Variants in PDE10A observed in about 807,000 individuals in gnomAD.
PDE10A encodes the protein phosphodiesterase 10A.
A neutral mutation model predicts 97.7 loss-of-function variants in PDE10A; 39 were observed. The ratio of observed to expected loss-of-function variants is 0.40; its 90% CI spans 0.31 to 0.52. The LOEUF is 0.52. Among genes scored for constraint, PDE10A ranks in the 20% least tolerant of loss-of-function variants. PDE10A has a pLI of 0.56. For synonymous variants in PDE10A, 371 were observed against 376.8 expected, an observed-to-expected ratio of 0.98 and a Z score of 0.18; for missense variants, 731 against 1,047.8, an observed-to-expected ratio of 0.70 and a Z score of 4.17.
rs367970989 is a variant in PDE10A at position 165,455,201 on chromosome 6, CACTA to C, written c.1024-4843_1024-4840del. On this transcript the variant is annotated intron_variant, in intron 3 of 21. Coordinates refer to ENST00000539869, the MANE Select transcript of PDE10A (RefSeq NM_001385079.1). ...CTCTGTTGCCCAGGCTGGAATGCAGCACTAACTATTAAGAGACCCAAACTCCACT... is the reference window on the plus strand; with the variant it reads ...CTCTGTTGCCCAGGCTGGAATGCAGCACTATTAAGAGACCCAAACTCCACT... 5.3e-4 allele frequency among the ~76,000 whole-genome samples: 81 copies of C among 152,188 alleles called. 1 individual carries two copies. In the South Asian group the frequency reaches 0.016, roughly 31 times the overall value.
chr6:165,809,868 G>A (rs1438125114), intron 1 of PDE10A, among the ~76,000 whole-genome samples: 1 of 152,178 alleles, frequency 6.6e-6, no homozygotes, highest in East Asian at 1.9e-4. Context: ...TCCCATGTTA[G>A]CTGAAAGCCC....
chr6:165,370,627 A>C (rs1405016787), intron 18 of PDE10A, among the ~76,000 whole-genome samples: 4 of 148,438 alleles, frequency 2.7e-5, no homozygotes, highest in African/African-American at 7.5e-5. Context: ...CACAATAATA[A>C]TGGGAGACTT....
rs1204606458 is a variant in PDE10A at position 165,647,828 on chromosome 6, G to A, written c.865+14119C>T. Among the ~76,000 whole-genome samples the A allele has an allele frequency of 3.9e-5, 6 of 152,272 alleles. No individual in the cohort carries two copies. The East Asian group carries it at 1.2e-3, about 29-fold the overall frequency. On this transcript the variant is annotated intron_variant, in intron 1 of 21. Coordinates refer to ENST00000539869, the MANE Select transcript of PDE10A (RefSeq NM_001385079.1). ...AAGGAAACAATGGCTACGTGTCTCA[G>A]CACTTGCTCTCCTGAAGGCACTATT...
At chr6:165,922,067 AG>A (rs1007087313) in intron 1 of PDE10A, among the ~76,000 whole-genome samples, 5 of 152,222 alleles carry the variant, frequency 3.3e-5, no homozygotes, top group Non-Finnish European at 5.9e-5. Context: ...TGAAGATTAT[AG>A]GGCCAGTAGG....
At chr6:165,964,699 G>T (rs2128499185) in intron 1 of PDE10A, among the ~76,000 whole-genome samples, 1 of 152,310 alleles carries the variant, frequency 6.6e-6, no homozygotes, top group African/African-American at 2.4e-5. Context: ...GAAGGAGATG[G>T]CCATGTAAAT....
chr6:165,482,516 G>A (rs949258551), intron 2 of PDE10A, among the ~76,000 whole-genome samples, 173 bp from the exon 3 acceptor site: 6 of 152,062 alleles, frequency 3.9e-5, no homozygotes, highest in African/African-American at 7.2e-5. Flanking sequence ...AACATATTAC[G>A]AGTTAAGAAG....
At chr6:165,431,274 T>C (rs1022219099) in intron 8 of PDE10A, 148 bp downstream of exon 8, 2 of 475,398 alleles carry the variant, frequency 4.2e-6, no homozygotes, top group Admixed American at 3.1e-5. Flanking sequence ...TATAACTGAT[T>C]AAGTTAAAAT....
intron 1 of PDE10A, among the ~76,000 whole-genome samples, chr6:165,962,213 G>C (rs1784382883): frequency 6.6e-6 from 1 of 152,234 alleles, no homozygotes; most frequent in Non-Finnish European, 1.5e-5. Flanking sequence ...TGTGTTGCTT[G>C]GGTTATAGCC....
At chr6:165,908,506 A>G (rs1192882961) in intron 1 of PDE10A, among the ~76,000 whole-genome samples, 1 of 152,214 alleles carries the variant, frequency 6.6e-6, no homozygotes. Context: ...AGAGGCCACA[A>G]AAGAGAATCC....
At chr6:165,693,658 T>C (rs1352172503) in intron 1 of PDE10A, among the ~76,000 whole-genome samples, 3 of 152,138 alleles carry the variant, frequency 2.0e-5, no homozygotes, top group Non-Finnish European at 4.4e-5. Context: ...ACAACTATTG[T>C]TTAAGAGCTG....
chr6:165,823,539 A>AAATATTATATTTATAATTGATAACTATAT (rs71029564), intron 1 of PDE10A, among the ~76,000 whole-genome samples: 1 of 117,268 alleles, frequency 8.5e-6, no homozygotes. Context: ...CCTTAATTAT[A>AAATATTATATTTATAATTGATAACTATAT]AATATTATAT....
intron 1 of PDE10A, among the ~76,000 whole-genome samples, chr6:165,930,803 C>T (rs1783108144): frequency 6.6e-6 from 1 of 152,220 alleles, no homozygotes; most frequent in African/African-American, 2.4e-5. Context: ...GCTGTGAGGG[C>T]TGGAGCTGCG....
Position 165,662,041 on chromosome 6 carries a change from G to T in PDE10A, c.771C>A (p.Ala257=). The change falls in exon 1 of 22, where the codon GCC becomes GCA. Residue 257 remains alanine, a synonymous_variant. Coordinates refer to ENST00000539869, the MANE Select transcript of PDE10A (RefSeq NM_001385079.1). ...CGGAGCCGAAGAGCAGCGCGGCCGC[G>T]GCGGCGAGGGCGAAGCTGGCGCCCT... ...RPQGASFALA[A]AAALLFGSDM... is the part of the protein sequence containing the mutation. 1 of 1,476,550 alleles carries T rather than the reference G, an allele frequency of 6.8e-7. No homozygotes were observed. Among genetic ancestry groups the T allele is most frequent in the Non-Finnish European group, 9.0e-7 (1 of 1,106,844 alleles). 91.5% of individuals were successfully genotyped at this position (1,476,550 alleles called of 1,614,324 possible). A position where few individuals can be genotyped will look rare whatever the true frequency, so the allele number is the denominator to read the frequency against.
chr6:165,761,956 T>C (rs1438472632), intron 1 of PDE10A, among the ~76,000 whole-genome samples: 1 of 152,214 alleles, frequency 6.6e-6, no homozygotes, highest in Admixed American at 6.5e-5. Flanking sequence ...ATGTTTATGG[T>C]TTCTTTTGAA....
chr6:165,954,411 G>A (rs1418055677), intron 1 of PDE10A, among the ~76,000 whole-genome samples: 1 of 152,204 alleles, frequency 6.6e-6, no homozygotes, highest in Non-Finnish European at 1.5e-5. Context: ...CACTCACATG[G>A]ACACTTGGTT....
chr6:165,964,888 G>A (rs75386722), intron 1 of PDE10A, among the ~76,000 whole-genome samples: 2 of 152,152 alleles, frequency 1.3e-5, no homozygotes, highest in African/African-American at 4.8e-5. Flanking sequence ...AAGAAGACAT[G>A]ACCGTGCTTG....
chr6:165,981,979 A>C (rs747093136), intron 1 of PDE10A, among the ~76,000 whole-genome samples: 5 of 152,194 alleles, frequency 3.3e-5, no homozygotes, highest in Admixed American at 6.5e-5. Context: ...TTCACTTTTA[A>C]CTAGTTTTAG....
At chr6:165,349,332 G>A (rs562245285) in intron 18 of PDE10A, among the ~76,000 whole-genome samples, 70 of 152,282 alleles carry the variant, frequency 4.6e-4, no homozygotes, top group African/African-American at 1.6e-3. Flanking sequence ...AGATGTAGAT[G>A]AGGAACTTGT....
At chr6:165,508,033 A>C (rs1781300198) in intron 2 of PDE10A, among the ~76,000 whole-genome samples, 1 of 152,122 alleles carries the variant, frequency 6.6e-6, no homozygotes, top group Non-Finnish European at 1.5e-5. Context: ...TGAAACTGAA[A>C]AGTAGTATTT....
Sources: allele counts gnomAD v4.1 joint callset (sites outside exome capture counted in the v4.1 genomes callset), GRCh38; gene constraint gnomAD v4.1.1; transcripts MANE v1.5; gene names NCBI Gene and HGNC (gene_info 2026-07-23, HGNC 2026-07-21).